The following ZNF462 variants were observed in gnomAD, a reference collection of about 807,000 sequenced individuals.
ZNF462 encodes zinc finger protein 462, also known as zinc finger PBX1-interacting protein.
In ZNF462, 10 loss-of-function variants were observed where a neutral mutation model predicts 201.9. The ratio of observed to expected loss-of-function variants is 0.05; its 90% CI spans 0.03 to 0.08. ZNF462 has a LOEUF of 0.08. ZNF462 is among the 10% of genes least tolerant of loss of function. The probability of loss-of-function intolerance (pLI) is 1.00; values close to 1 mark genes in which losing one functional copy is unlikely to be tolerated. For missense variants in ZNF462, 2,523 were observed against 3,168.3 expected (o/e 0.80, Z 4.89); for synonymous variants, 1,227 against 1,193.3 (o/e 1.03, Z -0.58).
chr9:106,967,737 G>T (rs1400549708), intron 7 of ZNF462, among the ~76,000 whole-genome samples: 1 of 152,162 alleles, frequency 6.6e-6, no homozygotes, highest in East Asian at 1.9e-4. Context: ...ACTAAAGCAT[G>T]ACATTTAGAC....
chr9:106,925,380 C>T lies in ZNF462; in HGVS notation c.1468C>T (p.Gln490Ter). 1 of 1,614,224 alleles carries T rather than the reference C, an allele frequency of 6.2e-7. No homozygotes were observed. The highest frequency in any genetic ancestry group is 8.5e-7 in the Non-Finnish European group (1 of 1,180,038). ...KSSLKLGAHK[Q>*]CHTGTTSDWD... ...CTCGTTGAAACTTGGGGCTCACAAACAGTGTCACACGGGTACAACGTCAGA... is the reference window on the plus strand; with the variant it reads ...CTCGTTGAAACTTGGGGCTCACAAATAGTGTCACACGGGTACAACGTCAGA... Residue 490 changes from glutamine to a stop codon, truncating the protein, a stop_gained, in exon 3 of 13, where the codon CAG (glutamine) becomes TAG (stop). Transcript: ENST00000277225. LOFTEE classifies it high-confidence loss of function. This position sits in a 1 kb window ranked among gnomAD's most constrained non-coding sequence, Gnocchi z 7.9.
intron 7 of ZNF462, 46 bp downstream of exon 7, chr9:106,939,153 T>C: frequency 1.4e-6 from 2 of 1,449,288 alleles, no homozygotes; most frequent in South Asian, 1.5e-5. Context: ...AGGGTTGAGG[T>C]GGGCTGGGAT....
chr9:106,974,378 C>A lies in ZNF462; in HGVS notation c.6832+105C>A. 6.5e-7 allele frequency: 1 copy of A among 1,539,008 alleles called. No individual in the cohort carries two copies. The highest frequency in any genetic ancestry group is 1.1e-5 in the South Asian group (1 of 89,004). The stretch of plus-strand genomic sequence containing the variant: ...GTGGCAGTAGCACCTGTGCCTTGTT[C>A]CTCACCTTATCTTCAGGCAAGAAAC... On this transcript the variant is annotated intron_variant, in intron 9 of 12. Transcript: ENST00000277225. The surrounding 1 kb of genome is among the most constrained non-coding windows in gnomAD (Gnocchi z 4.0).
rs1829910526 is a variant in ZNF462, at chr9:107,011,251, A to G, written c.*221A>G. On this transcript the variant is annotated 3_prime_UTR_variant, in exon 13 of 13. Coordinates refer to ENST00000277225, the MANE Select transcript of ZNF462 (RefSeq NM_021224.6). The surrounding 1 kb of genome is among the most constrained non-coding windows in gnomAD (Gnocchi z 5.6). ...TATGTGGCTCCTTTTCCATCACTAC[A>G]TCTTTTCTTCCGGATCTTCATCATG... 5.8e-6 allele frequency: 3 copies of G among 518,384 alleles called. No homozygotes were observed. The highest frequency in any genetic ancestry group is 4.4e-5 in the South Asian group (2 of 45,074). 32.1% of individuals were successfully genotyped at this position (518,384 alleles called of 1,614,324 possible). A position where few individuals can be genotyped will look rare whatever the true frequency, so the allele number is the denominator to read the frequency against.
chr9:106,965,283 G>C (rs755288159), intron 7 of ZNF462, among the ~76,000 whole-genome samples: 3 of 152,080 alleles, frequency 2.0e-5, no homozygotes, highest in South Asian at 4.1e-4. Flanking sequence ...TGAGGCTGGA[G>C]ACATGGGCTG....
At chr9:106,878,853 A>C (rs1827956746) in intron 1 of ZNF462, among the ~76,000 whole-genome samples, 1 of 152,210 alleles carries the variant, frequency 6.6e-6, no homozygotes, top group South Asian at 2.1e-4. Flanking sequence ...ACTCCAAAAT[A>C]TCTTGTTCTC....
intron 10 of ZNF462, among the ~76,000 whole-genome samples, chr9:106,986,792 A>G (rs1443847171): frequency 6.6e-6 from 1 of 151,946 alleles, no homozygotes; most frequent in Non-Finnish European, 1.5e-5. Context: ...CAAGTCCCCA[A>G]AGTCCATTGT....
chr9:106,929,069 C>A lies in ZNF462; in HGVS notation c.5157C>A (p.Arg1719=), dbSNP rs1351025037. The change falls in exon 3 of 13, where the codon CGC becomes CGA. Residue 1719 remains arginine, a synonymous_variant. Transcript: ENST00000277225. The surrounding 1 kb of genome is among the most constrained non-coding windows in gnomAD (Gnocchi z 8.7). The part of the protein sequence containing the change: ...RKGLAAHYQK[R]HDIDAYYTHC... ...GTCTGGCAGCCCACTACCAGAAGCG[C>A]CACGACATTGATGCGTATTACACTC... The A allele has an allele frequency of 6.2e-7, 1 of 1,614,008 alleles. No homozygotes were observed. Among genetic ancestry groups the A allele is most frequent in the African/African-American group, 1.3e-5 (1 of 74,884 alleles).
intron 1 of ZNF462, among the ~76,000 whole-genome samples, chr9:106,879,093 C>T (rs1827968213): frequency 6.6e-6 from 1 of 152,204 alleles, no homozygotes. Context: ...CCCTGACGCA[C>T]TGGTAATGTG....
chr9:106,956,317 G>A (rs1350429673), intron 7 of ZNF462, among the ~76,000 whole-genome samples: 1 of 152,138 alleles, frequency 6.6e-6, no homozygotes, highest in African/African-American at 2.4e-5. Context: ...CATTGCCAAT[G>A]AGTAGTAACA....
intron 1 of ZNF462, among the ~76,000 whole-genome samples, chr9:106,900,731 G>T (rs1829030647): frequency 6.6e-6 from 1 of 152,046 alleles, no homozygotes; most frequent in Non-Finnish European, 1.5e-5. Context: ...TTTTTGATGG[G>T]ATTGTTGTTT....
rs374074936 is a variant in ZNF462, at chr9:106,939,082, G to C, written c.6402G>C (p.Pro2134=). 6.2e-7 allele frequency: 1 copy of C among 1,608,668 alleles called. No individual in the cohort carries two copies. Among genetic ancestry groups the C allele is most frequent in the Admixed American group, 1.7e-5 (1 of 59,210 alleles). Residue 2134 remains proline, a synonymous_variant, in exon 7 of 13, where the codon CCG becomes CCC. Transcript: ENST00000277225. The part of the protein sequence containing the change: ...HSHHSSQKAT[P]AEEVEDSNDS... ...ACCACTCCTCCCAAAAAGCTACCCC[G>C]GCTGAAGAAGTGGAAGACTCCAATG... is the stretch of plus-strand genomic sequence containing the variant.
At chr9:106,952,553 C>G (rs1156621435) in intron 7 of ZNF462, among the ~76,000 whole-genome samples, 1 of 152,088 alleles carries the variant, frequency 6.6e-6, no homozygotes, top group Admixed American at 6.5e-5. Flanking sequence ...TAATCTGGAG[C>G]CTTGTTGATA....
At chr9:106,946,766 C>A (rs1368037220) in intron 7 of ZNF462, among the ~76,000 whole-genome samples, 2 of 151,866 alleles carry the variant, frequency 1.3e-5, no homozygotes, top group Non-Finnish European at 2.9e-5. Context: ...GCCAGGAGTT[C>A]AAGACCAGCG....
intron 7 of ZNF462, among the ~76,000 whole-genome samples, chr9:106,951,408 T>A (rs1471869151): frequency 6.6e-6 from 1 of 152,126 alleles, no homozygotes; most frequent in Non-Finnish European, 1.5e-5. Flanking sequence ...AAGTGTAGGT[T>A]TAAGATTTAT....
chr9:106,898,016 A>G (rs550469659), intron 1 of ZNF462, among the ~76,000 whole-genome samples: 1 of 152,346 alleles, frequency 6.6e-6, no homozygotes, highest in African/African-American at 2.4e-5. Flanking sequence ...TTATTTCGTC[A>G]GTGCTAAGTT....
chr9:106,874,735 G>C (rs1195270089), intron 1 of ZNF462, among the ~76,000 whole-genome samples: 1 of 152,160 alleles, frequency 6.6e-6, no homozygotes, highest in African/African-American at 2.4e-5. Flanking sequence ...CCGTGGCTTT[G>C]CCTCCAATTA....
intron 1 of ZNF462, among the ~76,000 whole-genome samples, chr9:106,914,028 A>ATT (rs34309250): frequency 0.37 from 53,746 of 144,428 alleles, 12,971 homozygotes; most frequent in African/African-American, 0.65. Context: ...TTCGCCTAGG[A>ATT]TTTTTTTTTT....
chr9:106,991,883 A>C (rs1318118080), intron 10 of ZNF462, among the ~76,000 whole-genome samples: 2 of 143,806 alleles, frequency 1.4e-5, no homozygotes, highest in Non-Finnish European at 3.1e-5. Flanking sequence ...CACACACACA[A>C]CAATCAAAAT....
Sources: allele counts gnomAD v4.1 joint callset (sites outside exome capture counted in the v4.1 genomes callset), GRCh38; gene constraint gnomAD v4.1.1; non-coding constraint Gnocchi (gnomAD v3.1); transcripts MANE v1.5; gene names NCBI Gene and HGNC (gene_info 2026-07-23, HGNC 2026-07-21).